The following TOX3 variants were observed in gnomAD, a reference collection of about 807,000 sequenced individuals.
The protein encoded by TOX3 is CAG trinucleotide repeat-containing gene F9 protein.
In TOX3, 22 loss-of-function variants were observed where a neutral mutation model predicts 64.3. The observed-to-expected ratio is 0.34, with a 90% CI of 0.24 to 0.49. The LOEUF is 0.49. TOX3 is among the 20% of genes least tolerant of loss of function. The probability of loss-of-function intolerance (pLI) is 0.99; values close to 1 mark genes in which losing one functional copy is unlikely to be tolerated. For synonymous variants in TOX3, 291 were observed against 273.6 expected, an observed-to-expected ratio of 1.06 and a Z score of -0.63; for missense variants, 661 against 714.4, an observed-to-expected ratio of 0.93 and a Z score of 0.85.
intron 6 of TOX3, 134 bp downstream of exon 6, chr16:52,444,142 C>A: frequency 1.7e-6 from 1 of 589,438 alleles, no homozygotes; most frequent in Non-Finnish European, 2.9e-6. Flanking sequence ...CTAATGGAAA[C>A]GCCTAAGTTT....
At chr16:52,451,332 G>T (rs2151746763) in intron 3 of TOX3, among the ~76,000 whole-genome samples, 1 of 152,270 alleles carries the variant, frequency 6.6e-6, no homozygotes. Context: ...CGTAAAAAAA[G>T]ATGGTAGAAA....
intron 1 of TOX3, among the ~76,000 whole-genome samples, chr16:52,505,015 A>G (rs901806511): frequency 6.6e-6 from 1 of 152,082 alleles, no homozygotes; most frequent in African/African-American, 2.4e-5. Flanking sequence ...TTGTATTTTT[A>G]GTAGAGACGG....
In TOX3 at chr16:52,492,621, A is replaced by G. The variant is rs971766285; in HGVS notation, c.88-24047T>C. Among the ~76,000 whole-genome samples the G allele has an allele frequency of 5.6e-5, 7 of 124,072 alleles. No individual in the cohort carries two copies. The South Asian group carries it at 1.1e-3, about 19-fold the overall frequency. The allele number at this position is 124,072 out of a possible 152,430, so 81.4% of individuals were successfully genotyped here. A position where few individuals can be genotyped will look rare whatever the true frequency, so the allele number is the denominator to read the frequency against. On this transcript the variant is annotated intron_variant, in intron 1 of 6. Transcript: ENST00000219746. ...CCTTAATTTTTTCCTTTCAGGTAGA[A>G]TGTTCATGAGAAACTAAATTTTCAT...
intron 1 of TOX3, among the ~76,000 whole-genome samples, chr16:52,508,101 T>A (rs1390072505): frequency 2.0e-5 from 3 of 152,240 alleles, no homozygotes; most frequent in Non-Finnish European, 4.4e-5. Flanking sequence ...ACCTGTAAGT[T>A]TCCATTGTAT....
chr16:52,438,982 AG>A lies in TOX3; in HGVS notation c.*242del, dbSNP rs752189172. 2.1e-5 allele frequency: 14 copies of A among 680,098 alleles called. No individual in the cohort carries two copies. Among genetic ancestry groups the A allele is most frequent in the South Asian group, 1.8e-4 (13 of 71,792 alleles). The allele number at this position is 680,098 out of a possible 1,614,324, so 42.1% of individuals were successfully genotyped here. The stretch of plus-strand genomic sequence containing the variant: ...TAGGTATAGCCTGAATAAATAAAAA[AG>A]GCATCACATAAAAGAGCACAGCTTT... On this transcript the variant is annotated 3_prime_UTR_variant, in exon 7 of 7. Transcript: ENST00000219746.
intron 1 of TOX3, among the ~76,000 whole-genome samples, chr16:52,476,577 C>T (rs1961214576): frequency 6.6e-6 from 1 of 151,708 alleles, no homozygotes; most frequent in South Asian, 2.1e-4. Flanking sequence ...ATTCGGAGAA[C>T]AGGAAGAGAA....
At chr16:52,472,932 A>G (rs1182212878) in intron 1 of TOX3, among the ~76,000 whole-genome samples, 1 of 152,222 alleles carries the variant, frequency 6.6e-6, no homozygotes, top group Admixed American at 6.5e-5. Context: ...GAACTTCTGT[A>G]TCTTAATAAT....
At chr16:52,504,342 C>T (rs1257951286) in intron 1 of TOX3, among the ~76,000 whole-genome samples, 1 of 151,926 alleles carries the variant, frequency 6.6e-6, no homozygotes, top group Non-Finnish European at 1.5e-5. Flanking sequence ...TGGTGGGCAC[C>T]TGTCGTTCCA....
chr16:52,546,606 G>GC (rs998270640), intron 1 of TOX3, 31 bp downstream of exon 1: 6 of 1,524,906 alleles, frequency 3.9e-6, no homozygotes, highest in African/African-American at 2.8e-5. Flanking sequence ...GGTGGCCCCC[G>GC]CCCCCCGGCC....
Position 52,439,678 on chromosome 16 carries a change from T to C in TOX3, c.1278A>G (p.Ser426=), listed in dbSNP as rs1196897797. The part of the protein sequence containing the change: ...ISSMGTTMVG[S]APSTQVSPSV... The stretch of plus-strand genomic sequence containing the variant: ...AAGGACTCACTTGGGTGGAGGGTGC[T>C]GAGCCAACCATGGTCGTTCCCATGG... The change falls in exon 7 of 7, where the codon TCA becomes TCG. Residue 426 remains serine (S), a synonymous_variant. Coordinates refer to ENST00000219746, the MANE Select transcript of TOX3 (RefSeq NM_001080430.4). The C allele has an allele frequency of 6.2e-7, 1 of 1,613,796 alleles. No individual in the cohort carries two copies.
chr16:52,492,869 G>A (rs894469524), intron 1 of TOX3, among the ~76,000 whole-genome samples: 2 of 149,702 alleles, frequency 1.3e-5, no homozygotes, highest in Admixed American at 6.7e-5. Context: ...TTTCATGAGA[G>A]GCACAAGGTA....
At chr16:52,528,678 G>A (rs1962781566) in intron 1 of TOX3, among the ~76,000 whole-genome samples, 1 of 152,124 alleles carries the variant, frequency 6.6e-6, no homozygotes, top group South Asian at 2.1e-4. Flanking sequence ...AAGGGGGAAG[G>A]AATTAGGCTG....
intron 4 of TOX3, among the ~76,000 whole-genome samples, chr16:52,446,673 G>A (rs1484084306): frequency 1.4e-5 from 1 of 71,800 alleles, no homozygotes; most frequent in Non-Finnish European, 2.9e-5. Flanking sequence ...TGATCTGTCT[G>A]AATTGATTTT....
chr16:52,498,938 A>G (rs990631654), intron 1 of TOX3, among the ~76,000 whole-genome samples: 1 of 152,224 alleles, frequency 6.6e-6, no homozygotes, highest in Non-Finnish European at 1.5e-5. Flanking sequence ...CACAGTTTCA[A>G]GTGAGCTGGA....
chr16:52,513,039 C>T (rs1270793653), intron 1 of TOX3, among the ~76,000 whole-genome samples: 6 of 152,128 alleles, frequency 3.9e-5, no homozygotes, highest in African/African-American at 7.2e-5. Context: ...CATACCACTG[C>T]GGTGGAACAC....
intron 1 of TOX3, among the ~76,000 whole-genome samples, chr16:52,490,531 A>G (rs576651735): frequency 1.3e-5 from 2 of 151,968 alleles, no homozygotes; most frequent in African/African-American, 4.8e-5. Flanking sequence ...TGAACACTTC[A>G]CAAGGGGGAA....
Position 52,465,005 on chromosome 16 carries a change from C to CTTTTTTTTTTTTTTTTTTTT in TOX3, c.154-837_154-818dup, listed in dbSNP as rs1168498170. ...AGACCTAAGTAAGTCTTAATGCATT[C>CTTTTTTTTTTTTTTTTTTTT]TTTTTTTTTTTTTTTTTTTTTTTTT... is the stretch of plus-strand genomic sequence containing the variant. On this transcript the variant is annotated intron_variant, in intron 2 of 6. Coordinates refer to ENST00000219746, the MANE Select transcript of TOX3 (RefSeq NM_001080430.4). Among the ~76,000 whole-genome samples the CTTTTTTTTTTTTTTTTTTTT allele has an allele frequency of 2.1e-4, 15 of 70,956 alleles. 5 individuals carry two copies. The highest frequency in any genetic ancestry group is 1.8e-3 in the East Asian group (4 of 2,278). The allele number at this position is 70,956 out of a possible 152,430, so 46.5% of individuals were successfully genotyped here.
At chr16:52,489,651 G>C (rs1053322351) in intron 1 of TOX3, among the ~76,000 whole-genome samples, 3 of 152,066 alleles carry the variant, frequency 2.0e-5, no homozygotes, top group African/African-American at 4.8e-5. Flanking sequence ...TCTCCAGTTT[G>C]AATATCTTTC....
chr16:52,537,965 G>A (rs1259155142), intron 1 of TOX3, among the ~76,000 whole-genome samples: 1 of 151,460 alleles, frequency 6.6e-6, no homozygotes, highest in Non-Finnish European at 1.5e-5. Flanking sequence ...AGCATCCCTT[G>A]AGACTCTAGA....
Sources: gnomAD v4.1 joint callset for allele counts (sites outside exome capture counted in the v4.1 genomes callset) on GRCh38, gnomAD v4.1.1 for gene constraint, MANE v1.5 for transcripts, NCBI Gene and HGNC (gene_info 2026-07-23, HGNC 2026-07-21) for gene names.